BTBD9: variants seen among roughly 807,000 people sequenced by gnomAD.
BTBD9 encodes BTB domain containing 9.
In BTBD9, 49 loss-of-function variants were observed where a neutral mutation model predicts 64.3. That is an observed-to-expected ratio of 0.76 (90% CI 0.61 to 0.97). BTBD9 has a LOEUF of 0.97. Ranked by LOEUF, BTBD9 falls within the 50% of genes least tolerant of loss-of-function variation. The probability of loss-of-function intolerance (pLI) is 0.00; values close to 1 mark genes in which losing one functional copy is unlikely to be tolerated. For synonymous variants in BTBD9, 260 were observed against 274.7 expected, an observed-to-expected ratio of 0.95 and a Z score of 0.53; for missense variants, 598 against 762.1, an observed-to-expected ratio of 0.78 and a Z score of 2.53.
chr6:38,443,951 A>G (rs1215649981), intron 6 of BTBD9, among the ~76,000 whole-genome samples: 1 of 152,102 alleles, frequency 6.6e-6, no homozygotes, highest in Non-Finnish European at 1.5e-5. Flanking sequence ...CCCCTGCTTA[A>G]GTGGTTTCCT....
At chr6:38,594,769 C>T (rs750884647) in intron 2 of BTBD9, among the ~76,000 whole-genome samples, 2 of 152,180 alleles carry the variant, frequency 1.3e-5, no homozygotes, top group East Asian at 3.8e-4. Flanking sequence ...AATATCAGTG[C>T]TGCAAAAGCA....
intron 7 of BTBD9, among the ~76,000 whole-genome samples, chr6:38,330,038 T>C (rs1042399908): frequency 6.7e-6 from 1 of 149,322 alleles, no homozygotes; most frequent in African/African-American, 2.5e-5. Context: ...GGTACATGTT[T>C]CCTTTTTTTC....
At chr6:38,395,129 C>T (rs58303939) in intron 6 of BTBD9, among the ~76,000 whole-genome samples, 5,764 of 152,062 alleles carry the variant, frequency 0.038, 362 homozygotes, top group African/African-American at 0.13. Context: ...AGATTAGTTC[C>T]CTTATAAAAG....
intron 9 of BTBD9, among the ~76,000 whole-genome samples, chr6:38,246,895 C>T (rs1415601820): frequency 6.6e-6 from 1 of 152,244 alleles, no homozygotes; most frequent in Admixed American, 6.5e-5. Context: ...GAAACTAACA[C>T]GTCACCCAAC....
At chr6:38,246,408 T>G (rs990812674) in intron 9 of BTBD9, among the ~76,000 whole-genome samples, 2 of 152,170 alleles carry the variant, frequency 1.3e-5, no homozygotes, top group African/African-American at 4.8e-5. Context: ...TGCTGATATC[T>G]CATCATTAAC....
chr6:38,535,868 C>A, intron 6 of BTBD9, among the ~76,000 whole-genome samples: 1 of 152,036 alleles, frequency 6.6e-6, no homozygotes, highest in Non-Finnish European at 1.5e-5. Flanking sequence ...AGACTTAAAT[C>A]TACTATCTCA....
chr6:38,432,388 T>A (rs1011423348), intron 6 of BTBD9, among the ~76,000 whole-genome samples: 3 of 151,916 alleles, frequency 2.0e-5, no homozygotes, highest in Admixed American at 1.3e-4. Context: ...TGGAATTAAG[T>A]ATGATAACAG....
intron 1 of BTBD9, among the ~76,000 whole-genome samples, chr6:38,631,991 G>A (rs1778379568): frequency 6.6e-6 from 1 of 152,160 alleles, no homozygotes; most frequent in Non-Finnish European, 1.5e-5. Context: ...AGCCTGGCGT[G>A]GTGGCGCATG....
chr6:38,577,557 T>C lies in BTBD9; in HGVS notation c.1154+43A>G, dbSNP rs1372155674. ...TCTGCTTCTCCAAGTCCAAATCTCC[T>C]TATATAAGAATAAAAATCATTTATT... On this transcript the variant is annotated intron_variant, in intron 6 of 10. Coordinates refer to ENST00000481247, the MANE Select transcript of BTBD9 (RefSeq NM_001099272.2). The C allele has an allele frequency of 4.5e-6, 7 of 1,567,088 alleles. No individual in the cohort carries two copies. The South Asian group carries it at 7.0e-5, about 16-fold the overall frequency.
intron 1 of BTBD9, among the ~76,000 whole-genome samples, chr6:38,622,951 C>T (rs1217337380): frequency 6.6e-6 from 1 of 152,200 alleles, no homozygotes; most frequent in Non-Finnish European, 1.5e-5. Context: ...CTTTCAATTA[C>T]TCTCTTGAAT....
At chr6:38,526,594 C>T (rs1773507425) in intron 6 of BTBD9, among the ~76,000 whole-genome samples, 1 of 152,230 alleles carries the variant, frequency 6.6e-6, no homozygotes, top group African/African-American at 2.4e-5. Flanking sequence ...AGATACCAGA[C>T]ACCAGCCCAT....
At chr6:38,299,292 T>C (rs1430272205) in intron 7 of BTBD9, among the ~76,000 whole-genome samples, 2 of 152,218 alleles carry the variant, frequency 1.3e-5, no homozygotes, top group East Asian at 1.9e-4. Flanking sequence ...GTCTTTGCTA[T>C]GGTGAATAGT....
intron 6 of BTBD9, among the ~76,000 whole-genome samples, chr6:38,353,198 G>T (rs976195650): frequency 2.6e-5 from 4 of 152,154 alleles, no homozygotes; most frequent in Non-Finnish European, 5.9e-5. Context: ...CTATTTAGCA[G>T]GATACAGGCA....
At chr6:38,418,649 A>G (rs1165797190) in intron 6 of BTBD9, among the ~76,000 whole-genome samples, 1 of 152,058 alleles carries the variant, frequency 6.6e-6, no homozygotes. Flanking sequence ...TTTTTCCCCA[A>G]CTGCTCCCTA....
chr6:38,503,239 C>T (rs1772295804), intron 6 of BTBD9, among the ~76,000 whole-genome samples: 1 of 152,108 alleles, frequency 6.6e-6, no homozygotes, highest in Non-Finnish European at 1.5e-5. Context: ...AGCAGCTGTT[C>T]CCGCTGCCTT....
intron 10 of BTBD9, among the ~76,000 whole-genome samples, chr6:38,181,921 G>A (rs1193052575): frequency 6.6e-6 from 1 of 152,164 alleles, no homozygotes; most frequent in African/African-American, 2.4e-5. Flanking sequence ...GTGGGAGGCG[G>A]AAGTTGCAGT....
chr6:38,613,176 T>C (rs1777668620), intron 1 of BTBD9: 1 of 152,346 alleles, frequency 6.6e-6, no homozygotes, highest in East Asian at 1.9e-4. Flanking sequence ...AACTGGTCCT[T>C]TCTACTTTTT....
rs150112175 is a variant in BTBD9 at position 38,519,866 on chromosome 6, C to A, written c.1154+57734G>T. ...CAAGGTGAGTTCCTACTGCTTACAA[C>A]CAGAGTCTTGACTAACATACTAGCC... On this transcript the variant is annotated intron_variant, in intron 6 of 10. Coordinates refer to ENST00000481247, the MANE Select transcript of BTBD9 (RefSeq NM_001099272.2). Among the ~76,000 whole-genome samples the A allele has an allele frequency of 1.0e-3, 159 of 152,292 alleles. 1 individual carries two copies. The highest frequency in any genetic ancestry group is 2.0e-3 in the Non-Finnish European group (135 of 68,026).
At chr6:38,620,487 A>G (rs1471808263) in intron 1 of BTBD9, among the ~76,000 whole-genome samples, 1 of 152,152 alleles carries the variant, frequency 6.6e-6, no homozygotes, top group African/African-American at 2.4e-5. Flanking sequence ...TTGGCCCAAG[A>G]TCTAGGCCAC....
Sources: allele counts gnomAD v4.1 joint callset (sites outside exome capture counted in the v4.1 genomes callset), GRCh38; gene constraint gnomAD v4.1.1; transcripts MANE v1.5; gene names NCBI Gene and HGNC (gene_info 2026-07-23, HGNC 2026-07-21).